EPHX4: variants seen among roughly 807,000 people sequenced by gnomAD.
The protein encoded by EPHX4 is abhydrolase domain containing 7.
Under a neutral mutation model 44.9 loss-of-function variants are expected in EPHX4, and 31 were observed. The observed-to-expected ratio is 0.69, with a 90% CI of 0.52 to 0.93. EPHX4 has a LOEUF of 0.93. Ranked by LOEUF, EPHX4 falls within the 40% of genes least tolerant of loss-of-function variation. EPHX4 has a pLI of 0.00. For missense variants in EPHX4, 373 were observed against 438.1 expected (o/e 0.85, Z 1.33); for synonymous variants, 151 against 159.7 (o/e 0.95, Z 0.41).
chr1:92,046,470 T>C (rs1008701887), intron 4 of EPHX4, among the ~76,000 whole-genome samples: 3 of 152,186 alleles, frequency 2.0e-5, no homozygotes, highest in African/African-American at 7.2e-5. Flanking sequence ...TTGTTTCTGT[T>C]TTTGTTTTTT....
At chr1:92,037,751 C>T (rs1173559522) in intron 2 of EPHX4, among the ~76,000 whole-genome samples, 1 of 152,154 alleles carries the variant, frequency 6.6e-6, no homozygotes, top group African/African-American at 2.4e-5. Context: ...AGAGCAATCA[C>T]GGCGAAAGAG....
At chr1:92,056,089 T>C (rs544156009) in intron 6 of EPHX4, among the ~76,000 whole-genome samples, 4 of 152,190 alleles carry the variant, frequency 2.6e-5, no homozygotes, top group African/African-American at 9.6e-5. Context: ...TTTAAACTAG[T>C]TGGTTGTAGG....
rs542039440 is a variant in EPHX4 at position 92,057,819 on chromosome 1, C to T, written c.857+5161C>T. On this transcript the variant is annotated intron_variant, in intron 6 of 6. Coordinates refer to ENST00000370383, the MANE Select transcript of EPHX4 (RefSeq NM_173567.5). Reference sequence around the variant, plus strand: ...TTCACCATGTTGGCCAGGCTGGTCTCGGAACTCCTGACCTCAGGTGATCCA... The same window carrying T: ...TTCACCATGTTGGCCAGGCTGGTCTTGGAACTCCTGACCTCAGGTGATCCA... Among the ~76,000 whole-genome samples the T allele has an allele frequency of 1.4e-4, 22 of 152,000 alleles. 1 individual carries two copies. The South Asian group carries it at 4.2e-3, about 29-fold the overall frequency.
intron 2 of EPHX4, among the ~76,000 whole-genome samples, chr1:92,034,465 A>T (rs1230174984): frequency 1.3e-5 from 2 of 152,090 alleles, no homozygotes; most frequent in Non-Finnish European, 2.9e-5. Context: ...AATATCTGGT[A>T]TATTTTGAAA....
intron 6 of EPHX4, among the ~76,000 whole-genome samples, chr1:92,060,983 C>T (rs980535393): frequency 7.3e-5 from 11 of 151,584 alleles, no homozygotes; most frequent in African/African-American, 1.7e-4. Context: ...TGGGTTCAAG[C>T]GATTCTCCTG....
At chr1:92,047,034 G>A (rs1292549793) in intron 4 of EPHX4, among the ~76,000 whole-genome samples, 2 of 152,204 alleles carry the variant, frequency 1.3e-5, no homozygotes, top group East Asian at 1.9e-4. Context: ...TTGCAAAGCT[G>A]TGAAGCTCAC....
At chr1:92,060,001 A>T in intron 6 of EPHX4, among the ~76,000 whole-genome samples, 1 of 136,834 alleles carries the variant, frequency 7.3e-6, no homozygotes, top group East Asian at 2.3e-4. Flanking sequence ...GGTATGAGCC[A>T]CCCTGCCCCA....
At chr1:92,053,534 C>T (rs1161821542) in intron 6 of EPHX4, among the ~76,000 whole-genome samples, 1 of 152,124 alleles carries the variant, frequency 6.6e-6, no homozygotes, top group East Asian at 1.9e-4. Flanking sequence ...AGAGAATTTT[C>T]AGAGTAAATG....
At chr1:92,043,230 G>GC in intron 3 of EPHX4, 1 of 288,586 alleles carries the variant, frequency 3.5e-6, no homozygotes, top group South Asian at 5.8e-5. Context: ...AGACCTAATG[G>GC]CCCGGGTGCT....
intron 5 of EPHX4, 28 bp downstream of exon 5, chr1:92,050,448 G>A (rs1647226340): frequency 3.5e-6 from 4 of 1,140,936 alleles, no homozygotes; most frequent in Non-Finnish European, 3.7e-6. Context: ...AACAAATAAT[G>A]TATTATTATT....
intron 3 of EPHX4, chr1:92,043,199 T>A (rs1570691491): frequency 2.5e-6 from 1 of 393,474 alleles, no homozygotes; most frequent in East Asian, 4.6e-5. Context: ...AGAATGACTT[T>A]TCAGATTTGT....
At chr1:92,053,894 AGAG>A (rs1315140208) in intron 6 of EPHX4, among the ~76,000 whole-genome samples, 1 of 152,198 alleles carries the variant, frequency 6.6e-6, no homozygotes, top group Non-Finnish European at 1.5e-5. Flanking sequence ...TCTGGAACTC[AGAG>A]GAGAGAATCT....
chr1:92,036,210 C>T (rs569663722), intron 2 of EPHX4, among the ~76,000 whole-genome samples: 24 of 152,240 alleles, frequency 1.6e-4, no homozygotes, highest in African/African-American at 4.8e-4. Context: ...TCCTTATTCC[C>T]CTGGAATTTC....
intron 5 of EPHX4, 140 bp from the exon 6 acceptor site, chr1:92,052,370 A>G: frequency 1.4e-6 from 1 of 733,040 alleles, no homozygotes; most frequent in South Asian, 1.9e-5. Flanking sequence ...ATGTATAAAC[A>G]ATGAGATCTC....
At chr1:92,032,909 C>T (rs1409675782) in intron 2 of EPHX4, among the ~76,000 whole-genome samples, 2 of 152,116 alleles carry the variant, frequency 1.3e-5, no homozygotes, top group African/African-American at 4.8e-5. Context: ...GGTCCCACCT[C>T]TTAATACTGT....
intron 4 of EPHX4, among the ~76,000 whole-genome samples, chr1:92,047,799 A>C (rs1268838824): frequency 6.6e-6 from 1 of 152,192 alleles, no homozygotes; most frequent in African/African-American, 2.4e-5. Flanking sequence ...AAAAAAGCAA[A>C]TAAATATCTT....
At chr1:92,046,709 G>C (rs370592331) in intron 4 of EPHX4, among the ~76,000 whole-genome samples, 2 of 152,168 alleles carry the variant, frequency 1.3e-5, no homozygotes, top group East Asian at 3.9e-4. Context: ...TGATCCGCCC[G>C]CCTCAGCCTC....
intron 2 of EPHX4, among the ~76,000 whole-genome samples, chr1:92,041,718 A>G (rs908646021): frequency 6.6e-5 from 10 of 152,134 alleles, no homozygotes; most frequent in Admixed American, 5.9e-4. Flanking sequence ...CCTGGTGGCT[A>G]TACACACCAT....
chr1:92,052,225 A>C (rs1351754726), intron 5 of EPHX4, among the ~76,000 whole-genome samples: 3 of 152,170 alleles, frequency 2.0e-5, no homozygotes, highest in African/African-American at 7.2e-5. Flanking sequence ...GGAACTCTTG[A>C]GCTGGGCCTT....
Sources: allele counts gnomAD v4.1 joint callset (sites outside exome capture counted in the v4.1 genomes callset), GRCh38; gene constraint gnomAD v4.1.1; transcripts MANE v1.5; gene names NCBI Gene and HGNC (gene_info 2026-07-23, HGNC 2026-07-21).